The following STK3 variants were observed in gnomAD, a reference collection of about 807,000 sequenced individuals.
STK3 encodes serine/threonine kinase 3.
Under a neutral mutation model 58.0 loss-of-function variants are expected in STK3, and 41 were observed. The ratio of observed to expected loss-of-function variants is 0.71; its 90% confidence interval spans 0.55 to 0.92. STK3 has a LOEUF of 0.92. Ranked by LOEUF, STK3 falls within the 40% of genes least tolerant of loss-of-function variation. The probability of loss-of-function intolerance (pLI) is 0.00; values close to 1 mark genes in which losing one functional copy is unlikely to be tolerated. For missense variants in STK3, 479 were observed against 602.7 expected, an observed-to-expected ratio of 0.79 and a Z score of 2.15; for synonymous variants, 170 against 191.0, an observed-to-expected ratio of 0.89 and a Z score of 0.91.
intron 4 of STK3, among the ~76,000 whole-genome samples, chr8:98,739,631 C>T (rs1463001560): frequency 2.0e-5 from 3 of 147,580 alleles, no homozygotes; most frequent in Non-Finnish European, 4.5e-5. Context: ...TAGATAAAAC[C>T]ACAAAGATGG....
intron 4 of STK3, among the ~76,000 whole-genome samples, chr8:98,736,006 A>C (rs1477982412): frequency 1.3e-5 from 2 of 152,174 alleles, no homozygotes; most frequent in Non-Finnish European, 2.9e-5. Context: ...AAACATAAAA[A>C]AAAGGCCAAC....
intron 1 of STK3, among the ~76,000 whole-genome samples, chr8:98,898,414 A>G (rs1008413331): frequency 6.6e-6 from 1 of 152,206 alleles, no homozygotes; most frequent in Non-Finnish European, 1.5e-5. Flanking sequence ...GCTAGGGCCA[A>G]AACAATAGGG....
chr8:98,710,115 T>A (rs1307452383), intron 4 of STK3, among the ~76,000 whole-genome samples: 1 of 151,866 alleles, frequency 6.6e-6, no homozygotes, highest in Non-Finnish European at 1.5e-5. Context: ...TGTAGAAAAT[T>A]CTAAAGATTC....
At chr8:98,801,438 C>T (rs895997155) in intron 1 of STK3, among the ~76,000 whole-genome samples, 24 of 152,162 alleles carry the variant, frequency 1.6e-4, no homozygotes, top group African/African-American at 5.3e-4. Context: ...GTTATTGCTG[C>T]TCACTCTTTG....
intron 6 of STK3, among the ~76,000 whole-genome samples, chr8:98,620,524 AAG>A (rs1491162462): frequency 6.0e-5 from 9 of 150,876 alleles, no homozygotes; most frequent in Non-Finnish European, 1.2e-4. Flanking sequence ...CAAAAAAAAA[AAG>A]AAGATGTCTC....
chr8:98,493,428 T>C (rs1822872583), intron 10 of STK3, among the ~76,000 whole-genome samples: 1 of 152,142 alleles, frequency 6.6e-6, no homozygotes, highest in Non-Finnish European at 1.5e-5. Flanking sequence ...GGCGTCACCA[T>C]CTCATGGAGG....
intron 1 of STK3, among the ~76,000 whole-genome samples, chr8:98,913,382 G>A (rs544754500): frequency 1.3e-5 from 2 of 152,248 alleles, no homozygotes; most frequent in African/African-American, 4.8e-5. Flanking sequence ...AAAGAGGGTA[G>A]AGAAGCTGTT....
chr8:98,883,950 G>A (rs1837890633), intron 1 of STK3: 1 of 499,592 alleles, frequency 2.0e-6, no homozygotes. Context: ...GGAGGGGAGA[G>A]CAAAGGAAGC....
rs755329717 is a variant in STK3, at chr8:98,455,051, TAA to T, written c.*789_*790del. On this transcript the variant is annotated 3_prime_UTR_variant, in exon 11 of 11. Transcript: ENST00000419617. ...CAATATTAACAAATTACATTTGTATTAAGTTTTTATTTAAAAATATTTATCAC... is the reference window on the plus strand; with the variant it reads ...CAATATTAACAAATTACATTTGTATTGTTTTTATTTAAAAATATTTATCAC... 1 of 152,608 alleles carries T rather than the reference TAA, an allele frequency of 6.6e-6. No individual in the cohort carries two copies. Among genetic ancestry groups the T allele is most frequent in the Non-Finnish European group, 1.5e-5 (1 of 68,016 alleles). The allele number at this position is 152,608 out of a possible 1,614,324, so 9.5% of individuals were successfully genotyped here. A position where few individuals can be genotyped will look rare whatever the true frequency, so the allele number is the denominator to read the frequency against.
At chr8:98,841,681 CA>C (rs10605812) in intron 3 of STK3, among the ~76,000 whole-genome samples, 10,080 of 86,710 alleles carry the variant, frequency 0.12, 180 homozygotes, top group African/African-American at 0.16. Context: ...GACCTGGTCT[CA>C]AAAAAAAAAA....
intron 2 of STK3, among the ~76,000 whole-genome samples, chr8:98,770,713 G>T (rs1831264196): frequency 6.6e-6 from 1 of 152,212 alleles, no homozygotes; most frequent in African/African-American, 2.4e-5. Flanking sequence ...ATCGACCAAA[G>T]CTCTATTAGT....
intron 6 of STK3, among the ~76,000 whole-genome samples, chr8:98,627,284 C>T (rs1195000164): frequency 6.6e-6 from 1 of 151,992 alleles, no homozygotes; most frequent in Non-Finnish European, 1.5e-5. Context: ...GAGACTGAGA[C>T]AGGTGTATCA....
At chr8:98,934,728 C>G (rs1199214436) in intron 1 of STK3, among the ~76,000 whole-genome samples, 1 of 152,004 alleles carries the variant, frequency 6.6e-6, no homozygotes, top group African/African-American at 2.4e-5. Flanking sequence ...CCAGCCTGGC[C>G]AACATGGTGA....
chr8:98,433,068 T>TTTTG (rs1022636340), intron 3 of STK3, among the ~76,000 whole-genome samples: 25 of 152,224 alleles, frequency 1.6e-4, no homozygotes, highest in Admixed American at 3.9e-4. Flanking sequence ...TGGGTGTTTT[T>TTTTG]TTTGTTTGTT....
chr8:98,774,648 C>T (rs904293520), intron 2 of STK3, 91 bp downstream of exon 2: 24 of 877,282 alleles, frequency 2.7e-5, no homozygotes, highest in East Asian at 2.1e-4. Context: ...TCAATTCATA[C>T]GAATATACTC....
chr8:98,456,524 G>T (rs1819499795), intron 10 of STK3, among the ~76,000 whole-genome samples: 1 of 152,240 alleles, frequency 6.6e-6, no homozygotes, highest in African/African-American at 2.4e-5. Context: ...GGGAAGTAAG[G>T]CTGAATAGGC....
intron 4 of STK3, among the ~76,000 whole-genome samples, chr8:98,736,526 G>A (rs1466147713): frequency 6.6e-6 from 1 of 152,144 alleles, no homozygotes; most frequent in African/African-American, 2.4e-5. Flanking sequence ...GAACTTAAAT[G>A]TTTTATTTAA....
chr8:98,559,032 C>A (rs1811810308), intron 8 of STK3, among the ~76,000 whole-genome samples: 2 of 152,008 alleles, frequency 1.3e-5, no homozygotes, highest in African/African-American at 4.8e-5. Flanking sequence ...CAACAAAAAA[C>A]AATCTCCCCC....
At chr8:98,906,874 G>A (rs1396468613) in intron 1 of STK3, among the ~76,000 whole-genome samples, 4 of 152,066 alleles carry the variant, frequency 2.6e-5, no homozygotes, top group African/African-American at 7.2e-5. Context: ...CAGGCTGGGT[G>A]TGGAGGCTCA....
Sources: allele counts gnomAD v4.1 joint callset (sites outside exome capture counted in the v4.1 genomes callset), GRCh38; gene constraint gnomAD v4.1.1; transcripts MANE v1.5; gene names NCBI Gene and HGNC (gene_info 2026-07-23, HGNC 2026-07-21).